Variants in RUNX1 observed in about 807,000 individuals in gnomAD.
RUNX1 encodes the protein runt-related transcription factor 1.
RUNX1 carries 19 observed loss-of-function variants against 42.8 expected under a neutral mutation model. The observed-to-expected ratio is 0.44, with a 90% CI of 0.31 to 0.65. The LOEUF (loss-of-function observed/expected upper bound fraction) is 0.65. Among genes scored for constraint, RUNX1 ranks in the 30% least tolerant of loss-of-function variants. The probability of loss-of-function intolerance (pLI) is 0.07; values close to 1 mark genes in which losing one functional copy is unlikely to be tolerated. For synonymous variants in RUNX1, 271 were observed against 289.4 expected (o/e 0.94, Z 0.64); for missense variants, 528 against 672.0 (o/e 0.79, Z 2.37).
At chr21:34,882,317 G>GCA (rs1481089484) in intron 4 of RUNX1, among the ~76,000 whole-genome samples, 1 of 152,110 alleles carries the variant, frequency 6.6e-6, no homozygotes, top group Non-Finnish European at 1.5e-5. Context: ...AGTCCTTGTG[G>GCA]CACAGAACAC....
Position 35,027,419 on chromosome 21 carries a change from CCAAAGACCACACTGTGAA to C in RUNX1, c.58+21405_58+21422del, listed in dbSNP as rs1465192010. ...CCCAGGTGGTAGTGATGCTGCCAGT[CCAAAGACCACACTGTGAA>C]TAGCAAGGCGTCGTCGGGACAGTCT... On this transcript the variant is annotated intron_variant, in intron 2 of 8. Coordinates refer to ENST00000675419, the MANE Select transcript of RUNX1 (RefSeq NM_001754.5). Among the ~76,000 whole-genome samples, 3 of 152,346 alleles carry C rather than the reference CCAAAGACCACACTGTGAA, an allele frequency of 2.0e-5. No individual in the cohort carries two copies. In the East Asian group the frequency reaches 5.8e-4, roughly 29 times the overall value.
At chr21:34,965,035 T>C (rs1257913709) in intron 2 of RUNX1, among the ~76,000 whole-genome samples, 1 of 152,102 alleles carries the variant, frequency 6.6e-6, no homozygotes, top group Admixed American at 6.5e-5. Context: ...GGGATGTGAA[T>C]ACACACACAT....
At chr21:34,805,560 A>C (rs2056667700) in intron 7 of RUNX1, among the ~76,000 whole-genome samples, 2 of 152,344 alleles carry the variant, frequency 1.3e-5, no homozygotes, top group African/African-American at 2.4e-5. Context: ...AAACACAAAG[A>C]AAGGAGAATA....
chr21:34,989,175 A>G (rs1601641396), intron 2 of RUNX1, among the ~76,000 whole-genome samples: 4 of 151,960 alleles, frequency 2.6e-5, no homozygotes, highest in Admixed American at 2.6e-4. Flanking sequence ...CACCCAGCTA[A>G]TTTTTGTATT....
Position 34,958,031 on chromosome 21 carries a change from T to A in RUNX1, c.59-65068A>T, listed in dbSNP as rs186753773. 4.2e-4 allele frequency among the ~76,000 whole-genome samples: 64 copies of A among 152,274 alleles called. 2 individuals carry two copies. In the East Asian group the frequency reaches 0.01, roughly 24 times the overall value. ...GGATGGCGGTAAAATAATAACTCCT[T>A]CTAGTTCATCTTTTTTGAAAGACAG... On this transcript the variant is annotated intron_variant, in intron 2 of 8. Coordinates refer to ENST00000675419, the MANE Select transcript of RUNX1 (RefSeq NM_001754.5).
At chr21:34,954,323 T>C (rs1294577684) in intron 2 of RUNX1, among the ~76,000 whole-genome samples, 1 of 152,062 alleles carries the variant, frequency 6.6e-6, no homozygotes, top group Non-Finnish European at 1.5e-5. Context: ...AGAGGGGAAA[T>C]AGTTATTTGG....
In RUNX1 at chr21:34,792,010, C is replaced by A; in HGVS notation, c.*125G>T. The A allele has an allele frequency of 3.5e-6, 2 of 574,380 alleles. No individual in the cohort carries two copies. 35.6% of individuals were successfully genotyped at this position (574,380 alleles called of 1,614,324 possible). A position where few individuals can be genotyped will look rare whatever the true frequency, so the allele number is the denominator to read the frequency against. ...CGAGATCCTGGCCGTCGGGCGCCCT[C>A]GGCCCCAGGACGGTGGCCGGGCCCA... On this transcript the variant is annotated 3_prime_UTR_variant, in exon 9 of 9. Transcript: ENST00000675419. This position sits in a 1 kb window ranked among gnomAD's most constrained non-coding sequence, Gnocchi z 6.9.
At chr21:34,967,839 G>A (rs571896384) in intron 2 of RUNX1, among the ~76,000 whole-genome samples, 1 of 152,192 alleles carries the variant, frequency 6.6e-6, no homozygotes, top group African/African-American at 2.4e-5. Context: ...CGAAGGGAGT[G>A]GCAATTCATA....
chr21:34,849,297 A>ATATAGT, intron 6 of RUNX1, among the ~76,000 whole-genome samples: 2 of 37,286 alleles, frequency 5.4e-5, no homozygotes, highest in African/African-American at 1.9e-4. Context: ...TTATATATAA[A>ATATAGT]ATATATAATA....
intron 2 of RUNX1, among the ~76,000 whole-genome samples, chr21:34,991,805 C>A (rs9636887): frequency 1.3e-5 from 2 of 152,080 alleles, no homozygotes; most frequent in Non-Finnish European, 2.9e-5. Flanking sequence ...CTGGTTAAGA[C>A]GAGGTCATCC....
At chr21:34,823,978 T>C (rs938959449) in intron 7 of RUNX1, among the ~76,000 whole-genome samples, 4 of 152,170 alleles carry the variant, frequency 2.6e-5, no homozygotes, top group Non-Finnish European at 4.4e-5. Flanking sequence ...TGAAACCCTA[T>C]TGAGAAAGTT....
At chr21:34,853,152 C>G (rs2057447972) in intron 6 of RUNX1, among the ~76,000 whole-genome samples, 1 of 152,154 alleles carries the variant, frequency 6.6e-6, no homozygotes, top group Admixed American at 6.5e-5. Flanking sequence ...TCAGGTCCCC[C>G]TTCATGCCAG....
In RUNX1 at chr21:34,901,885, G is replaced by A. The variant is rs951645150; in HGVS notation, c.59-8922C>T. On this transcript the variant is annotated intron_variant, in intron 2 of 8. Transcript: ENST00000675419. The surrounding 1 kb of genome is among the most constrained non-coding windows in gnomAD (Gnocchi z 4.3). ...TAATTGGCGAATGTCACACTAGTAA[G>A]ATTTTCTGGTGGATGATAGATGCAG... 6.6e-6 allele frequency among the ~76,000 whole-genome samples: 1 copy of A among 152,204 alleles called. No homozygotes were observed. Among genetic ancestry groups the A allele is most frequent in the African/African-American group, 2.4e-5 (1 of 41,438 alleles).
At chr21:34,985,636 G>C (rs2058880030) in intron 2 of RUNX1, among the ~76,000 whole-genome samples, 1 of 152,132 alleles carries the variant, frequency 6.6e-6, no homozygotes, top group Admixed American at 6.5e-5. Context: ...ATACCATATG[G>C]GGGTTTCTTT....
intron 6 of RUNX1, among the ~76,000 whole-genome samples, chr21:34,846,827 G>A (rs1343230210): frequency 6.6e-6 from 1 of 152,178 alleles, no homozygotes; most frequent in Non-Finnish European, 1.5e-5. Flanking sequence ...AGAATAGAAC[G>A]GGTTTCTCTG....
At chr21:34,971,768 G>T (rs1053141876) in intron 2 of RUNX1, among the ~76,000 whole-genome samples, 6 of 152,138 alleles carry the variant, frequency 3.9e-5, no homozygotes, top group South Asian at 2.1e-4. Context: ...GGACAGAAAG[G>T]CTTCTTTGGA....
intron 2 of RUNX1, among the ~76,000 whole-genome samples, chr21:34,978,799 A>T (rs1197355231): frequency 6.6e-6 from 1 of 152,094 alleles, no homozygotes; most frequent in Non-Finnish European, 1.5e-5. Context: ...GTATTGTTTA[A>T]ACCTCTGTCT....
chr21:34,925,617 G>T (rs186636210), intron 2 of RUNX1, among the ~76,000 whole-genome samples: 4 of 152,288 alleles, frequency 2.6e-5, no homozygotes, highest in Admixed American at 6.5e-5. Flanking sequence ...GAGGAAGCCC[G>T]GCTCTTCCTG....
intron 2 of RUNX1, among the ~76,000 whole-genome samples, chr21:34,954,702 G>C (rs2058632410): frequency 6.6e-6 from 1 of 152,098 alleles, no homozygotes; most frequent in South Asian, 2.1e-4. Flanking sequence ...CCTCACTGTA[G>C]TGACATTATA....
Sources: allele counts gnomAD v4.1 joint callset (sites outside exome capture counted in the v4.1 genomes callset), GRCh38; gene constraint gnomAD v4.1.1; non-coding constraint Gnocchi (gnomAD v3.1); transcripts MANE v1.5; gene names NCBI Gene and HGNC (gene_info 2026-07-23, HGNC 2026-07-21).